Variants in ROBO1 observed in about 807,000 individuals in gnomAD.
The protein encoded by ROBO1 is roundabout guidance receptor 1, also known as roundabout homolog 1.
In ROBO1, 149 loss-of-function variants were observed where a neutral mutation model predicts 195.9. That is an observed-to-expected ratio of 0.76 (90% CI 0.67 to 0.87). The LOEUF is 0.87. Among genes scored for constraint, ROBO1 ranks in the 40% least tolerant of loss-of-function variants. The pLI, the probability that ROBO1 is intolerant of heterozygous loss-of-function variation, is 0.00. For synonymous variants in ROBO1, 816 were observed against 733.2 expected (o/e 1.11, Z -1.82); for missense variants, 1,933 against 2,068.3 (o/e 0.93, Z 1.27).
chr3:79,698,925 T>C (rs537395282), intron 1 of ROBO1, among the ~76,000 whole-genome samples: 79 of 151,512 alleles, frequency 5.2e-4, no homozygotes, highest in African/African-American at 1.8e-3. Flanking sequence ...TTGACCTCTC[T>C]AAACACTTGC....
At chr3:79,332,659 TTAAA>T (rs2034494932) in intron 2 of ROBO1, among the ~76,000 whole-genome samples, 1 of 151,570 alleles carries the variant, frequency 6.6e-6, no homozygotes, top group South Asian at 2.1e-4. Context: ...AACGTTAAAA[TTAAA>T]TAGGTGGAAA....
chr3:79,563,506 T>A (rs912101104), intron 2 of ROBO1, among the ~76,000 whole-genome samples: 5 of 152,138 alleles, frequency 3.3e-5, no homozygotes, highest in African/African-American at 1.2e-4. Flanking sequence ...TAGCTATGTT[T>A]GGCATATATA....
Position 78,733,399 on chromosome 3 carries a change from GT to G in ROBO1, c.657+13343del, listed in dbSNP as rs961824062. Among the ~76,000 whole-genome samples the G allele has an allele frequency of 9.3e-4, 140 of 150,134 alleles. 1 individual carries two copies. Among genetic ancestry groups the G allele is most frequent in the Middle Eastern group, 3.4e-3 (1 of 290 alleles). On this transcript the variant is annotated intron_variant, in intron 5 of 30. Transcript: ENST00000464233. Reference sequence around the variant, plus strand: ...AAATGCCCTTTTGAATGTACTATTTGTTTTTTTTTAAAGATTACAATTCATT... The same window carrying G: ...AAATGCCCTTTTGAATGTACTATTTGTTTTTTTTAAAGATTACAATTCATT...
chr3:79,486,727 T>C (rs1939177660), intron 2 of ROBO1, among the ~76,000 whole-genome samples: 1 of 152,174 alleles, frequency 6.6e-6, no homozygotes. Context: ...GGCAGCAGAA[T>C]ATGCCACCCC....
intron 8 of ROBO1, among the ~76,000 whole-genome samples, chr3:78,711,440 T>TTCC (rs2081737355): frequency 2.3e-3 from 95 of 41,570 alleles, no homozygotes; most frequent in South Asian, 3.2e-3. Context: ...TCTTTCTTTC[T>TTCC]TTCCTTCCTT....
intron 1 of ROBO1, among the ~76,000 whole-genome samples, chr3:79,764,530 T>C (rs1704880589): frequency 6.6e-6 from 1 of 152,234 alleles, no homozygotes; most frequent in African/African-American, 2.4e-5. Context: ...TTCATCAAGC[T>C]GCCAGGGGCT....
intron 2 of ROBO1, among the ~76,000 whole-genome samples, chr3:79,359,130 C>T (rs982842798): frequency 6.6e-6 from 1 of 151,990 alleles, no homozygotes; most frequent in Non-Finnish European, 1.5e-5. Context: ...ACCAACTGAT[C>T]ATTTTGCTGG....
chr3:79,187,298 G>T (rs564870138), intron 2 of ROBO1, among the ~76,000 whole-genome samples: 5 of 151,966 alleles, frequency 3.3e-5, no homozygotes, highest in African/African-American at 1.2e-4. Flanking sequence ...CCAAATAGGA[G>T]TTTCTACATT....
At chr3:79,362,663 T>C (rs1336231637) in intron 2 of ROBO1, among the ~76,000 whole-genome samples, 2 of 152,168 alleles carry the variant, frequency 1.3e-5, no homozygotes, top group Non-Finnish European at 1.5e-5. Flanking sequence ...TTTGAGATAA[T>C]AAGTCTGTTT....
intron 3 of ROBO1, among the ~76,000 whole-genome samples, chr3:79,052,190 C>T (rs1185881352): frequency 1.3e-5 from 2 of 152,052 alleles, no homozygotes; most frequent in East Asian, 1.9e-4. Context: ...GAAAGGAATG[C>T]ATTCCCAAGG....
chr3:79,621,972 T>C (rs1195047238), intron 1 of ROBO1, among the ~76,000 whole-genome samples: 2 of 151,958 alleles, frequency 1.3e-5, no homozygotes. Flanking sequence ...ATAATAATGA[T>C]AATAAGCATG....
intron 2 of ROBO1, among the ~76,000 whole-genome samples, chr3:79,460,805 T>G (rs1937609051): frequency 6.6e-6 from 1 of 152,142 alleles, no homozygotes; most frequent in Admixed American, 6.5e-5. Context: ...TGGAGTGCAG[T>G]GGCGCGATCT....
chr3:79,475,150 TA>T (rs201101772), intron 2 of ROBO1, among the ~76,000 whole-genome samples: 17 of 151,590 alleles, frequency 1.1e-4, no homozygotes, highest in East Asian at 5.8e-4. Flanking sequence ...GCTTTTTTTT[TA>T]AAAAAAAATC....
intron 2 of ROBO1, among the ~76,000 whole-genome samples, chr3:79,572,181 C>G (rs925338974): frequency 6.6e-6 from 1 of 151,848 alleles, no homozygotes; most frequent in Non-Finnish European, 1.5e-5. Context: ...AATTTATTTA[C>G]AAAGATGTCA....
intron 4 of ROBO1, among the ~76,000 whole-genome samples, chr3:78,817,806 TAG>T (rs1432903356): frequency 5.9e-5 from 9 of 152,228 alleles, no homozygotes; most frequent in African/African-American, 2.2e-4. Flanking sequence ...TCAATGGTCA[TAG>T]TTCCAACTAC....
At chr3:78,982,626 A>G (rs1467902775) in intron 3 of ROBO1, among the ~76,000 whole-genome samples, 1 of 152,034 alleles carries the variant, frequency 6.6e-6, no homozygotes, top group African/African-American at 2.4e-5. Flanking sequence ...TGTAAATTTT[A>G]CTTTTTTCTT....
At chr3:79,502,276 C>G (rs764930938) in intron 2 of ROBO1, among the ~76,000 whole-genome samples, 1 of 152,128 alleles carries the variant, frequency 6.6e-6, no homozygotes, top group Non-Finnish European at 1.5e-5. Flanking sequence ...CGGGCGGGAA[C>G]CGGGGCTGCG....
intron 2 of ROBO1, among the ~76,000 whole-genome samples, chr3:79,505,028 G>GA (rs34568321): frequency 0.28 from 41,457 of 149,104 alleles, 6,169 homozygotes; most frequent in African/African-American, 0.37. Context: ...ATACCTCCCT[G>GA]AAAAAAAAAA....
At chr3:79,550,085 A>G (rs1942421181) in intron 2 of ROBO1, among the ~76,000 whole-genome samples, 1 of 151,522 alleles carries the variant, frequency 6.6e-6, no homozygotes, top group Non-Finnish European at 1.5e-5. Context: ...TTATCAAACC[A>G]CTGTACTCCA....
Sources: gnomAD v4.1 joint callset for allele counts (sites outside exome capture counted in the v4.1 genomes callset) on GRCh38, gnomAD v4.1.1 for gene constraint, MANE v1.5 for transcripts, NCBI Gene and HGNC (gene_info 2026-07-23, HGNC 2026-07-21) for gene names.